PDE1C: variants seen among roughly 807,000 people sequenced by gnomAD.
PDE1C encodes dual specificity calcium/calmodulin-dependent 3',5'-cyclic nucleotide phosphodiesterase 1C.
Under a neutral mutation model 93.1 loss-of-function variants are expected in PDE1C, and 62 were observed. The ratio of observed to expected loss-of-function variants is 0.67; its 90% CI spans 0.54 to 0.82. The LOEUF (loss-of-function observed/expected upper bound fraction) is 0.82. PDE1C is among the 40% of genes least tolerant of loss of function. The pLI, the probability that PDE1C is intolerant of heterozygous loss-of-function variation, is 0.00. For missense variants in PDE1C, 742 were observed against 884.6 expected (o/e 0.84, Z 2.04); for synonymous variants, 325 against 310.1 (o/e 1.05, Z -0.50).
the PDE1C span, among the ~76,000 whole-genome samples, chr7:31,697,408 G>A: frequency 2.6e-5 from 4 of 152,206 alleles, no homozygotes; most frequent in Admixed American, 2.6e-4. Context: ...TCCTTGAGAA[G>A]AGCTGGAATG....
chr7:32,261,688 C>T (rs1189726857), intron 1 of PDE1C, among the ~76,000 whole-genome samples: 1 of 152,178 alleles, frequency 6.6e-6, no homozygotes. Flanking sequence ...ATTAAGTCAA[C>T]TTTGATTTTT....
At position 31,751,388 on chromosome 7, in the gene PDE1C, A is replaced by C. The variant is rs971446156; in HGVS notation, c.*1996T>G. 4 of 152,234 alleles carry C rather than the reference A, an allele frequency of 2.6e-5. No individual in the cohort carries two copies. The highest frequency in any genetic ancestry group is 4.8e-5 in the African/African-American group (2 of 41,472). The allele number at this position is 152,234 out of a possible 1,614,324, so 9.4% of individuals were successfully genotyped here. A position where few individuals can be genotyped will look rare whatever the true frequency, so the allele number is the denominator to read the frequency against. ...TTGTTCCCCAGGAACATGGCTTCCAACATCAAGAAGCACAGCCAAGAAAAC... is the reference window on the plus strand; with the variant it reads ...TTGTTCCCCAGGAACATGGCTTCCACCATCAAGAAGCACAGCCAAGAAAAC... On this transcript the variant is annotated 3_prime_UTR_variant, in exon 18 of 18. Transcript: ENST00000396191.
intron 2 of PDE1C, among the ~76,000 whole-genome samples, chr7:32,042,739 T>G (rs973633312): frequency 6.6e-6 from 1 of 152,230 alleles, no homozygotes. Context: ...ACCTGCCCAG[T>G]GATCTCTGTG....
chr7:32,147,249 A>C (rs1800900031), intron 3 of PDE1C, among the ~76,000 whole-genome samples: 1 of 111,626 alleles, frequency 9.0e-6, no homozygotes, highest in South Asian at 3.4e-4. Flanking sequence ...AAAAGAAAGA[A>C]AGAAAAGAAA....
At chr7:32,410,421 G>A (rs576989017) in intron 1 of PDE1C, among the ~76,000 whole-genome samples, 1 of 152,044 alleles carries the variant, frequency 6.6e-6, no homozygotes, top group East Asian at 1.9e-4. Context: ...AGAAAAAGAA[G>A]AGGAAGAGGA....
chr7:32,095,283 A>C (rs1219569306), intron 3 of PDE1C, among the ~76,000 whole-genome samples: 3 of 152,234 alleles, frequency 2.0e-5, no homozygotes, highest in African/African-American at 7.2e-5. Context: ...ATTTCCGATG[A>C]GGGGCAGACC....
At chr7:32,227,632 C>A (rs921292608) in intron 1 of PDE1C, among the ~76,000 whole-genome samples, 2 of 152,150 alleles carry the variant, frequency 1.3e-5, no homozygotes, top group South Asian at 4.1e-4. Flanking sequence ...AGATGGCTCC[C>A]AATAAGCCGC....
chr7:31,876,931 G>C (rs1796666327), intron 5 of PDE1C, among the ~76,000 whole-genome samples: 1 of 152,098 alleles, frequency 6.6e-6, no homozygotes, highest in Non-Finnish European at 1.5e-5. Flanking sequence ...CAAGAGAAAG[G>C]CCTATGAATA....
the PDE1C span, among the ~76,000 whole-genome samples, chr7:31,734,718 T>C: frequency 6.6e-6 from 1 of 152,112 alleles, no homozygotes; most frequent in Non-Finnish European, 1.5e-5. Flanking sequence ...TTTCAAGGCT[T>C]GAGAAGCTGT....
chr7:32,297,422 A>G (rs1812658231), intron 1 of PDE1C, among the ~76,000 whole-genome samples: 1 of 152,112 alleles, frequency 6.6e-6, no homozygotes, highest in South Asian at 2.1e-4. Flanking sequence ...TAGGAATCAG[A>G]GTGGCTCCTG....
chr7:32,235,624 C>T (rs1387690460), intron 1 of PDE1C, among the ~76,000 whole-genome samples: 1 of 151,974 alleles, frequency 6.6e-6, no homozygotes, highest in Non-Finnish European at 1.5e-5. Flanking sequence ...GTGCTGAGAA[C>T]TATAAAATAC....
chr7:31,749,125 T>TG (rs1212387729), downstream of PDE1C, among the ~76,000 whole-genome samples: 1 of 152,124 alleles, frequency 6.6e-6, no homozygotes, highest in Non-Finnish European at 1.5e-5. Flanking sequence ...TTGGTGGCTG[T>TG]GCTCATGATA....
At chr7:32,273,694 C>T (rs761781846) in intron 1 of PDE1C, among the ~76,000 whole-genome samples, 7 of 152,078 alleles carry the variant, frequency 4.6e-5, no homozygotes, top group Admixed American at 2.6e-4. Context: ...ACTTGTACAC[C>T]GATTTGTGGG....
chr7:31,960,944 C>T (rs1401282200), intron 2 of PDE1C, among the ~76,000 whole-genome samples: 1 of 152,052 alleles, frequency 6.6e-6, no homozygotes, highest in Non-Finnish European at 1.5e-5. Context: ...CATGCATTTC[C>T]CAGCAGCAAG....
chr7:32,182,942 T>C (rs948034056), intron 2 of PDE1C, among the ~76,000 whole-genome samples: 7 of 152,208 alleles, frequency 4.6e-5, no homozygotes, highest in African/African-American at 1.7e-4. Context: ...AATAGGCAAC[T>C]TCAGCCAAGT....
chr7:32,402,478 T>A (rs1171015183), intron 1 of PDE1C, among the ~76,000 whole-genome samples: 1 of 152,058 alleles, frequency 6.6e-6, no homozygotes, highest in Non-Finnish European at 1.5e-5. Flanking sequence ...GATGTCCCAG[T>A]AGAGAGAGGA....
chr7:31,814,657 G>A (rs1398560329), intron 15 of PDE1C, among the ~76,000 whole-genome samples: 1 of 150,120 alleles, frequency 6.7e-6, no homozygotes, highest in African/African-American at 2.5e-5. Context: ...GGTCGCACCA[G>A]GCAGGCAAGA....
At chr7:32,171,362 A>G (rs1257835413) in intron 2 of PDE1C, among the ~76,000 whole-genome samples, 1 of 151,924 alleles carries the variant, frequency 6.6e-6, no homozygotes, top group Non-Finnish European at 1.5e-5. Flanking sequence ...CTCCATATCC[A>G]TGGGTTCCAT....
chr7:32,323,759 C>A (rs1270225064), intron 1 of PDE1C, among the ~76,000 whole-genome samples: 1 of 152,198 alleles, frequency 6.6e-6, no homozygotes, highest in Non-Finnish European at 1.5e-5. Context: ...CCAATTAGGA[C>A]CTGAGGATGA....
Sources: allele counts gnomAD v4.1 joint callset (sites outside exome capture counted in the v4.1 genomes callset), GRCh38; gene constraint gnomAD v4.1.1; transcripts MANE v1.5; gene names NCBI Gene and HGNC (gene_info 2026-07-23, HGNC 2026-07-21).